RHPN2: variants seen among roughly 807,000 people sequenced by gnomAD.
RHPN2 encodes rhophilin Rho GTPase binding protein 2.
RHPN2 carries 40 observed loss-of-function variants against 79.0 expected under a neutral mutation model. The ratio of observed to expected loss-of-function variants is 0.51; its 90% CI spans 0.39 to 0.66. The LOEUF is 0.66. Ranked by LOEUF, RHPN2 falls within the 30% of genes least tolerant of loss-of-function variation. The pLI is 0.00. For missense variants in RHPN2, 686 were observed against 883.5 expected, an observed-to-expected ratio of 0.78 and a Z score of 2.83; for synonymous variants, 285 against 363.5, an observed-to-expected ratio of 0.78 and a Z score of 2.46.
intron 10 of RHPN2, 27 bp from the exon 11 acceptor site, chr19:32,996,247 G>C (rs2146005556): frequency 6.2e-7 from 1 of 1,613,658 alleles, no homozygotes; most frequent in East Asian, 2.2e-5. Context: ...GCACCCACGT[G>C]ACTTGCAGAT....
At chr19:32,982,708 A>G (rs1035918876) in intron 14 of RHPN2, among the ~76,000 whole-genome samples, 12 of 151,934 alleles carry the variant, frequency 7.9e-5, no homozygotes, top group East Asian at 1.9e-4. Context: ...GTTCTCTTCC[A>G]TCTGCCCCCA....
At chr19:33,038,241 A>G (rs1972074118) in intron 2 of RHPN2, among the ~76,000 whole-genome samples, 1 of 150,576 alleles carries the variant, frequency 6.6e-6, no homozygotes, top group African/African-American at 2.4e-5. Flanking sequence ...CTCAGCTACT[A>G]GGGAGGCTGA....
chr19:33,008,240 G>T, intron 6 of RHPN2, 60 bp from the exon 7 acceptor site: 2 of 1,482,224 alleles, frequency 1.3e-6, no homozygotes, highest in South Asian at 1.2e-5. Context: ...TGCTACAAGT[G>T]GAAAAAATTC....
intron 1 of RHPN2, among the ~76,000 whole-genome samples, chr19:33,049,761 C>G (rs766760269): frequency 6.6e-6 from 1 of 152,140 alleles, no homozygotes; most frequent in African/African-American, 2.4e-5. Flanking sequence ...TACAGCATCT[C>G]GGATCCCATG....
intron 1 of RHPN2, chr19:33,051,465 A>C (rs1444917369): frequency 1.3e-5 from 2 of 153,680 alleles, no homozygotes; most frequent in Non-Finnish European, 2.9e-5. Context: ...CTGTACGTGT[A>C]CAGCAACCGT....
chr19:33,006,836 G>A lies in RHPN2; in HGVS notation c.760+1178C>T, dbSNP rs1599815182. Among the ~76,000 whole-genome samples, 3 of 152,340 alleles carry A rather than the reference G, an allele frequency of 2.0e-5. No homozygotes were observed. In the South Asian group the frequency reaches 6.2e-4, roughly 32 times the overall value. ...ATACTAAGATTACCTGAGGTCAGGA[G>A]TTTGAGACCAGCCTGGCCAACATGG... On this transcript the variant is annotated intron_variant, in intron 7 of 14. Coordinates refer to ENST00000254260, the MANE Select transcript of RHPN2 (RefSeq NM_033103.5).
chr19:33,039,098 G>A (rs1343291308), intron 2 of RHPN2, among the ~76,000 whole-genome samples: 3 of 152,044 alleles, frequency 2.0e-5, no homozygotes, highest in African/African-American at 7.2e-5. Context: ...GTGACTTGCC[G>A]CAGCTTCAGC....
In RHPN2 at chr19:32,979,202, A is replaced by T. The variant is rs1227082744; in HGVS notation, c.*794T>A. On this transcript the variant is annotated 3_prime_UTR_variant, in exon 15 of 15. Coordinates refer to ENST00000254260, the MANE Select transcript of RHPN2 (RefSeq NM_033103.5). ...TTAAACCTGAATCATTTACATCTTT[A>T]CTTTATAAAATGTAAAACTACTTTT... 6.6e-6 allele frequency: 1 copy of T among 152,248 alleles called. No individual in the cohort carries two copies. Among genetic ancestry groups the T allele is most frequent in the Non-Finnish European group, 1.5e-5 (1 of 68,050 alleles). The allele number at this position is 152,248 out of a possible 1,614,324, so 9.4% of individuals were successfully genotyped here.
Position 33,064,855 on chromosome 19 carries a change from T to C in RHPN2, c.-3A>G, listed in dbSNP as rs1292634304. ...GCGGGCAACAGCGCGTCGGTCATGCTAGCGGCGCGGGCGCGGAGGGCGGAC... is the reference window on the plus strand; with the variant it reads ...GCGGGCAACAGCGCGTCGGTCATGCCAGCGGCGCGGGCGCGGAGGGCGGAC... On this transcript the variant is annotated 5_prime_UTR_variant, in exon 1 of 15. Coordinates refer to ENST00000254260, the MANE Select transcript of RHPN2 (RefSeq NM_033103.5). The C allele has an allele frequency of 2.7e-6, 4 of 1,478,022 alleles. No individual in the cohort carries two copies. Among genetic ancestry groups the C allele is most frequent in the African/African-American group, 3.0e-5 (2 of 67,564 alleles). 91.6% of individuals were successfully genotyped at this position (1,478,022 alleles called of 1,614,324 possible).
chr19:33,005,874 A>G (rs1163909229), intron 7 of RHPN2, among the ~76,000 whole-genome samples: 1 of 152,158 alleles, frequency 6.6e-6, no homozygotes, highest in Non-Finnish European at 1.5e-5. Context: ...ATCCCGATAG[A>G]CCAATCTTTT....
Position 33,064,887 on chromosome 19 carries a change from C to A in RHPN2, c.-35G>T. On this transcript the variant is annotated 5_prime_UTR_variant, in exon 1 of 15. Coordinates refer to ENST00000254260, the MANE Select transcript of RHPN2 (RefSeq NM_033103.5). ...GCGGGCGCGGAGGGCGGACGGCGGA[C>A]TGAGGCGCGGCGGCTGAGGCTGGCC... is the stretch of plus-strand genomic sequence containing the variant. 6.7e-7 allele frequency: 1 copy of A among 1,485,670 alleles called. No individual in the cohort carries two copies. The highest frequency in any genetic ancestry group is 2.2e-5 in the Admixed American group (1 of 45,376). The allele number at this position is 1,485,670 out of a possible 1,614,324, so 92.0% of individuals were successfully genotyped here.
At chr19:33,029,104 C>T (rs1971989639) in intron 2 of RHPN2, among the ~76,000 whole-genome samples, 1 of 151,834 alleles carries the variant, frequency 6.6e-6, no homozygotes, top group Admixed American at 6.6e-5. Flanking sequence ...CGCGCCACCG[C>T]ACTCCAGCCT....
chr19:32,990,733 A>G (rs1971651922), intron 13 of RHPN2, 64 bp from the exon 14 acceptor site: 16 of 1,593,578 alleles, frequency 1.0e-5, no homozygotes, highest in African/African-American at 9.4e-5. Flanking sequence ...ATCAGTCCCC[A>G]TTAACAAAAT....
At position 33,002,930 on chromosome 19, in the gene RHPN2, G is replaced by A. The variant is rs1261718429; in HGVS notation, c.831C>T (p.Ser277=). 4.3e-6 allele frequency: 7 copies of A among 1,613,790 alleles called. No homozygotes were observed. Among genetic ancestry groups the A allele is most frequent in the Non-Finnish European group, 5.9e-6 (7 of 1,179,826 alleles). Residue 277 remains serine (S), a synonymous_variant, in exon 8 of 15, where the codon AGC becomes AGT. Coordinates refer to ENST00000254260, the MANE Select transcript of RHPN2 (RefSeq NM_033103.5). ...PSYDMSPAML[S]VLVKMMLAQA... is the part of the protein sequence containing the mutation. The stretch of plus-strand genomic sequence containing the variant: ...GTGCAAGCATCATTTTGACGAGCAC[G>A]CTGAGCATGGCAGGGCTCATGTCGT...
intron 1 of RHPN2, among the ~76,000 whole-genome samples, chr19:33,047,166 T>C (rs1472191253): frequency 6.6e-6 from 1 of 152,220 alleles, no homozygotes; most frequent in Non-Finnish European, 1.5e-5. Context: ...CAGCTCTCCT[T>C]TGCCCAGTTT....
intron 2 of RHPN2, 118 bp downstream of exon 2, chr19:33,044,131 G>A (rs867058826): frequency 1.4e-5 from 10 of 706,488 alleles, no homozygotes; most frequent in South Asian, 5.5e-5. Flanking sequence ...AGAAAGGGAC[G>A]ACTCCAGATG....
chr19:33,009,935 T>C lies in RHPN2; in HGVS notation c.593+1744A>G, dbSNP rs1971822930. 2.0e-5 allele frequency among the ~76,000 whole-genome samples: 3 copies of C among 151,828 alleles called. No homozygotes were observed. In the South Asian group the frequency reaches 6.2e-4, roughly 32 times the overall value. On this transcript the variant is annotated intron_variant, in intron 6 of 14. Transcript: ENST00000254260. ...CTGGGATTACAGGCACCCACCACCA[T>C]GCCCAGCTAATTTTTGTATTTTTAG...
intron 2 of RHPN2, among the ~76,000 whole-genome samples, chr19:33,029,712 C>T (rs1212648366): frequency 6.6e-6 from 1 of 152,106 alleles, no homozygotes; most frequent in South Asian, 2.1e-4. Context: ...AAACCACCCC[C>T]AAGTTCAGTG....
At chr19:33,037,377 G>A (rs1008158417) in intron 2 of RHPN2, among the ~76,000 whole-genome samples, 1 of 152,204 alleles carries the variant, frequency 6.6e-6, no homozygotes, top group African/African-American at 2.4e-5. Context: ...CCAATCAGCA[G>A]GATGTGGGTG....
Sources: gnomAD v4.1 joint callset for allele counts (sites outside exome capture counted in the v4.1 genomes callset) on GRCh38, gnomAD v4.1.1 for gene constraint, MANE v1.5 for transcripts, NCBI Gene and HGNC (gene_info 2026-07-23, HGNC 2026-07-21) for gene names.